Variants in NR3C2 observed in about 807,000 individuals in gnomAD.
The protein encoded by NR3C2 is mineralocorticoid receptor.
NR3C2 carries 15 observed loss-of-function variants against 86.4 expected under a neutral mutation model. That is an observed-to-expected ratio of 0.17 (90% confidence interval 0.12 to 0.27). The LOEUF is 0.27. NR3C2 is among the 10% of genes least tolerant of loss of function. The pLI is 1.00. For synonymous variants in NR3C2, 458 were observed against 450.5 expected (o/e 1.02, Z -0.21); for missense variants, 960 against 1,195.6 (o/e 0.80, Z 2.91).
chr4:148,251,046 T>A (rs1034238885), intron 3 of NR3C2, among the ~76,000 whole-genome samples: 1 of 151,764 alleles, frequency 6.6e-6, no homozygotes, highest in Non-Finnish European at 1.5e-5. Context: ...AATATCCAGG[T>A]TCAAGCAATC....
chr4:148,250,800 A>C (rs1240922334), intron 3 of NR3C2, among the ~76,000 whole-genome samples: 1 of 152,130 alleles, frequency 6.6e-6, no homozygotes, highest in African/African-American at 2.4e-5. Flanking sequence ...AACTGTTTTC[A>C]GTATTTTCTT....
At chr4:148,287,422 T>C (rs925675044) in intron 2 of NR3C2, among the ~76,000 whole-genome samples, 1 of 152,192 alleles carries the variant, frequency 6.6e-6, no homozygotes, top group Non-Finnish European at 1.5e-5. Flanking sequence ...GCCTTGCCCA[T>C]GGCTTTTAGA....
intron 2 of NR3C2, among the ~76,000 whole-genome samples, chr4:148,317,292 T>G (rs1579146167): frequency 6.6e-6 from 1 of 151,190 alleles, no homozygotes; most frequent in Admixed American, 6.6e-5. Context: ...GAGGTGGAGG[T>G]TGTGGTGAGC....
chr4:148,304,144 T>G (rs910312872), intron 2 of NR3C2, among the ~76,000 whole-genome samples: 1 of 149,916 alleles, frequency 6.7e-6, no homozygotes, highest in East Asian at 2.0e-4. Flanking sequence ...GTTTCCTTTT[T>G]CCGCCTCTGT....
chr4:148,324,349 GTGTGTGTGTGTGTGTGTT>G lies in NR3C2; in HGVS notation c.1758-64250_1758-64233del, dbSNP rs1304906829. Reference sequence around the variant, plus strand: ...TATTCCTCTGTGTGTGTGTGTGTGTGTGTGTGTGTGTGTGTGTTTGTGTGTGTGTTCCTGTGTGTATGT... The same window carrying G: ...TATTCCTCTGTGTGTGTGTGTGTGTGTGTGTGTGTGTTCCTGTGTGTATGT... On this transcript the variant is annotated intron_variant, in intron 2 of 8. Coordinates refer to ENST00000358102, the MANE Select transcript of NR3C2 (RefSeq NM_000901.5). Among the ~76,000 whole-genome samples, 248 of 96,410 alleles carry G rather than the reference GTGTGTGTGTGTGTGTGTT, an allele frequency of 2.6e-3. 1 individual carries two copies. The highest frequency in any genetic ancestry group is 8.0e-3 in the African/African-American group (173 of 21,718). The allele number at this position is 96,410 out of a possible 152,430, so 63.2% of individuals were successfully genotyped here.
At chr4:148,434,507 T>C (rs61759972) in intron 2 of NR3C2, among the ~76,000 whole-genome samples, 8 of 152,338 alleles carry the variant, frequency 5.3e-5, no homozygotes, top group East Asian at 1.9e-4. Context: ...ATTTTAGATA[T>C]GCTGAGTCTT....
intron 2 of NR3C2, among the ~76,000 whole-genome samples, chr4:148,400,394 T>G (rs192891995): frequency 1.6e-3 from 217 of 132,896 alleles, no homozygotes; most frequent in African/African-American, 6.5e-3. Flanking sequence ...CAGCCTTGAT[T>G]TTTTGCTCTT....
chr4:148,381,793 T>G (rs1561075387), intron 2 of NR3C2, among the ~76,000 whole-genome samples: 1 of 152,222 alleles, frequency 6.6e-6, no homozygotes. Flanking sequence ...CCACTGAAAG[T>G]ACCAAACCCA....
intron 3 of NR3C2, among the ~76,000 whole-genome samples, chr4:148,211,605 G>A (rs6535594): frequency 0.54 from 82,097 of 152,028 alleles, 22,494 homozygotes; most frequent in East Asian, 0.74. Context: ...AAACCATGGC[G>A]TCACTGGAAG....
chr4:148,279,463 G>T (rs1018196629), intron 2 of NR3C2, among the ~76,000 whole-genome samples: 1 of 152,090 alleles, frequency 6.6e-6, no homozygotes, highest in South Asian at 2.1e-4. Context: ...CCAGGCTTAT[G>T]GAAAGAGGAA....
chr4:148,311,558 T>G (rs1742900308), intron 2 of NR3C2, among the ~76,000 whole-genome samples: 1 of 152,334 alleles, frequency 6.6e-6, no homozygotes, highest in African/African-American at 2.4e-5. Context: ...ACCAAGTGAA[T>G]TACTGCCAAT....
rs758018975 is a variant in NR3C2 at position 148,436,843 on chromosome 4, G to A, written c.18C>T (p.Tyr6=). The change falls in exon 2 of 9, where the codon TAC becomes TAT. Residue 6 remains tyrosine (Y), a synonymous_variant. Transcript: ENST00000358102. ...TATCTAGACCTTCAGGGAGACTGTG[G>A]TAGCCTTTGGTCTCCATCGCTAACA... METKG[Y]HSLPEGLDME... 6.2e-6 allele frequency: 10 copies of A among 1,610,388 alleles called. 1 individual carries two copies. In the South Asian group the frequency reaches 9.9e-5, roughly 16 times the overall value.
Position 148,435,975 on chromosome 4 carries a change from A to T in NR3C2, c.886T>A (p.Ser296Thr), listed in dbSNP as rs1186874531. 2 of 1,614,216 alleles carry T rather than the reference A, an allele frequency of 1.2e-6. No individual in the cohort carries two copies. The highest frequency in any genetic ancestry group is 3.3e-5 in the Admixed American group (2 of 60,028). Residue 296 changes from serine to threonine, a missense_variant, in exon 2 of 9, where the codon TCT (serine) becomes ACT (threonine). Around this residue, in one of 4 missense-constraint regions of NR3C2, gnomAD observed 680 missense variants for 719.0 expected, o/e 0.95. Transcript: ENST00000358102. The stretch of plus-strand genomic sequence containing the variant: ...TTAATATTTGCAGGGCTAGACACAG[A>T]GGATCTCAGAGTGACATTATTGGGA... Reference protein sequence around the residue: ...SSPNNVTLRSSVSSPANINNS... With the variant: ...SSPNNVTLRSTVSSPANINNS...
intron 2 of NR3C2, among the ~76,000 whole-genome samples, chr4:148,331,856 C>T (rs1744248857): frequency 6.6e-6 from 1 of 152,158 alleles, no homozygotes; most frequent in Non-Finnish European, 1.5e-5. Context: ...TCAACTCTCA[C>T]CTTGGTGCTC....
intron 3 of NR3C2, among the ~76,000 whole-genome samples, chr4:148,225,404 A>C (rs1738094509): frequency 6.6e-6 from 1 of 152,170 alleles, no homozygotes; most frequent in African/African-American, 2.4e-5. Flanking sequence ...ATTCATTATG[A>C]AACAACATAA....
rs1335305519 is a variant in NR3C2 at position 148,081,446 on chromosome 4, C to G, written c.2853G>C (p.Ala951=). ...GCATTGCGGGGAACTCTACCTTCAG[C>G]GCATGGGACTCTCGGAAGGTGTAGA... The part of the protein sequence containing the change: ...FCFYTFRESH[A]LKVEFPAMLV... Residue 951 remains alanine (A), a synonymous_variant, in exon 9 of 9, where the codon GCG becomes GCC. Transcript: ENST00000358102. The G allele has an allele frequency of 2.5e-6, 4 of 1,613,998 alleles. No homozygotes were observed. Among genetic ancestry groups the G allele is most frequent in the Non-Finnish European group, 3.4e-6 (4 of 1,180,034 alleles).
At chr4:148,385,258 T>C (rs1747203936) in intron 2 of NR3C2, among the ~76,000 whole-genome samples, 1 of 152,220 alleles carries the variant, frequency 6.6e-6, no homozygotes. Context: ...ATGCATCATG[T>C]AGGTCATCTA....
intron 4 of NR3C2, among the ~76,000 whole-genome samples, chr4:148,184,604 G>A (rs549847254): frequency 2.0e-5 from 3 of 151,754 alleles, no homozygotes; most frequent in African/African-American, 7.3e-5. Context: ...GCTATTATTT[G>A]TAAAGTACTC....
chr4:148,216,018 GA>G (rs1246042180), intron 3 of NR3C2, among the ~76,000 whole-genome samples: 1 of 152,022 alleles, frequency 6.6e-6, no homozygotes, highest in African/African-American at 2.4e-5. Flanking sequence ...GTGATCTCCT[GA>G]CCTTGTGATT....
Sources: allele counts gnomAD v4.1 joint callset (sites outside exome capture counted in the v4.1 genomes callset), GRCh38; gene constraint gnomAD v4.1.1; regional missense constraint gnomAD v4.1.1; transcripts MANE v1.5; gene names NCBI Gene and HGNC (gene_info 2026-07-23, HGNC 2026-07-21).